Variants in TSPAN16 observed in about 807,000 individuals in gnomAD.
TSPAN16 encodes the protein tetraspanin 16.
TSPAN16 carries 23 observed loss-of-function variants against 25.2 expected under a neutral mutation model. The ratio of observed to expected loss-of-function variants is 0.91; its 90% CI spans 0.66 to 1.29. TSPAN16 has a LOEUF of 1.29. TSPAN16 is among the 50% of genes most tolerant of loss of function. TSPAN16 has a pLI of 0.00. For synonymous variants in TSPAN16, 123 were observed against 124.4 expected (o/e 0.99, Z 0.08); for missense variants, 272 against 299.9 (o/e 0.91, Z 0.69).
chr19:11,307,571 A>G (rs2080643512), intron 5 of TSPAN16, among the ~76,000 whole-genome samples: 1 of 151,844 alleles, frequency 6.6e-6, no homozygotes, highest in African/African-American at 2.4e-5. Flanking sequence ...GGCACGTGCC[A>G]CCATGCCTGG....
Position 11,298,343 on chromosome 19 carries a change from AG to A in TSPAN16, c.267+5del. ...GAGCAGAGGCACGCTCTTGTTTGTA[AG>A]TTGGATCTGCACACAGACCCCAGAA... On this transcript the variant is annotated splice_donor_5th_base_variant and intron_variant, in intron 2 of 6. Transcript: ENST00000590327. The A allele has an allele frequency of 1.2e-6, 2 of 1,613,344 alleles. No homozygotes were observed. Among genetic ancestry groups the A allele is most frequent in the Non-Finnish European group, 1.7e-6 (2 of 1,179,896 alleles).
intron 6 of TSPAN16, chr19:11,321,971 T>A: frequency 6.6e-6 from 1 of 152,278 alleles, no homozygotes. Flanking sequence ...GTTTCTGCTG[T>A]GTCTTGAAGA....
At chr19:11,318,860 T>TG (rs986700435), downstream of TSPAN16, among the ~76,000 whole-genome samples, 1 of 152,012 alleles carries the variant, frequency 6.6e-6, no homozygotes, top group African/African-American at 2.4e-5. Context: ...TTGGCCAGGC[T>TG]GGTCTGGAAC....
Position 11,310,105 on chromosome 19 carries a change from G to GA in TSPAN16, c.604-2023dup, listed in dbSNP as rs922991417. ...AGTGACAGGACGAGACCCAATCTAAGAAAAAAAAAAACTATTATGTGAAAG... is the reference window on the plus strand; with the variant it reads ...AGTGACAGGACGAGACCCAATCTAAGAAAAAAAAAAAACTATTATGTGAAAG... On this transcript the variant is annotated intron_variant, in intron 5 of 6. Transcript: ENST00000590327. Among the ~76,000 whole-genome samples the GA allele has an allele frequency of 9.3e-4, 134 of 143,670 alleles. 1 individual carries two copies. The highest frequency in any genetic ancestry group is 2.0e-3 in the Admixed American group (29 of 14,320). The allele number at this position is 143,670 out of a possible 152,430, so 94.3% of individuals were successfully genotyped here.
chr19:11,315,273 A>T (rs939387155), intron 6 of TSPAN16, among the ~76,000 whole-genome samples: 2 of 141,666 alleles, frequency 1.4e-5, no homozygotes, highest in Non-Finnish European at 1.5e-5. Context: ...AATAATAATA[A>T]TAGGCCAGGC....
intron 1 of TSPAN16, 52 bp from the exon 2 acceptor site, chr19:11,298,090 T>C: frequency 6.3e-7 from 1 of 1,587,480 alleles, no homozygotes; most frequent in Non-Finnish European, 8.6e-7. Context: ...CCAGTTCTAT[T>C]TGTATACAAC....
rs757322240 is a variant in TSPAN16 at position 11,306,762 on chromosome 19, T to G, written c.603+6T>G. 2 of 1,612,716 alleles carry G rather than the reference T, an allele frequency of 1.2e-6. No individual in the cohort carries two copies. The highest frequency in any genetic ancestry group is 2.7e-5 in the African/African-American group (2 of 74,906). Reference sequence around the variant, plus strand: ...CAAACGTCATCCACCAGAAGGTAACTGGAGATTTTGTGTGTTGCCTTGACA... The same window carrying G: ...CAAACGTCATCCACCAGAAGGTAACGGGAGATTTTGTGTGTTGCCTTGACA... On this transcript the variant is annotated splice_donor_region_variant and intron_variant, in intron 5 of 6. Transcript: ENST00000590327.
chr19:11,325,072 C>T (rs1333994185), intron 6 of TSPAN16: 2 of 246,744 alleles, frequency 8.1e-6, no homozygotes, highest in African/African-American at 2.2e-5. Context: ...CCACGGATGC[C>T]CCTCCATCAG....
chr19:11,299,387 TTGATGGTG>T (rs1305274882), intron 3 of TSPAN16, among the ~76,000 whole-genome samples: 1 of 152,102 alleles, frequency 6.6e-6, no homozygotes, highest in East Asian at 1.9e-4. Flanking sequence ...CGTGCCACCT[TTGATGGTG>T]TGAGAAGCTG....
intron 5 of TSPAN16, chr19:11,306,957 A>G: frequency 1.9e-6 from 1 of 514,618 alleles, no homozygotes; most frequent in Admixed American, 3.4e-5. Flanking sequence ...CTGGGATCAC[A>G]GGCATGCACC....
chr19:11,319,845 C>A (rs796184081), downstream of TSPAN16, among the ~76,000 whole-genome samples: 8 of 152,062 alleles, frequency 5.3e-5, no homozygotes, highest in African/African-American at 1.7e-4. Flanking sequence ...GACGGAGTCT[C>A]GCTCTGTCGC....
At chr19:11,302,841 C>T (rs978527408) in intron 4 of TSPAN16, among the ~76,000 whole-genome samples, 1 of 150,852 alleles carries the variant, frequency 6.6e-6, no homozygotes. Flanking sequence ...ACCTCAGCCT[C>T]TTGAGTAGCT....
Position 11,306,774 on chromosome 19 carries a change from G to A in TSPAN16, c.603+18G>A, listed in dbSNP as rs745724658. On this transcript the variant is annotated intron_variant, in intron 5 of 6. Coordinates refer to ENST00000590327, the MANE Select transcript of TSPAN16 (RefSeq NM_001282509.2). ...ACCAGAAGGTAACTGGAGATTTTGTGTGTTGCCTTGACAGACCCCTGAGGG... is the reference window on the plus strand; with the variant it reads ...ACCAGAAGGTAACTGGAGATTTTGTATGTTGCCTTGACAGACCCCTGAGGG... 1.1e-5 allele frequency: 18 copies of A among 1,611,520 alleles called. No homozygotes were observed. Among genetic ancestry groups the A allele is most frequent in the Non-Finnish European group, 1.4e-5 (17 of 1,178,266 alleles).
chr19:11,308,917 T>C (rs1221576861), intron 5 of TSPAN16, among the ~76,000 whole-genome samples: 1 of 152,064 alleles, frequency 6.6e-6, no homozygotes, highest in Non-Finnish European at 1.5e-5. Context: ...CTAAAAAACA[T>C]TTTTTATATT....
At chr19:11,308,322 G>A (rs1247292084) in intron 5 of TSPAN16, among the ~76,000 whole-genome samples, 2 of 151,830 alleles carry the variant, frequency 1.3e-5, no homozygotes, top group East Asian at 1.9e-4. Flanking sequence ...TTTTTGAGAC[G>A]GAGTCTTGCT....
At chr19:11,321,024 C>T (rs1425383452) in intron 6 of TSPAN16, among the ~76,000 whole-genome samples, 1 of 151,972 alleles carries the variant, frequency 6.6e-6, no homozygotes, top group African/African-American at 2.4e-5. Flanking sequence ...CAAAAATTAG[C>T]CAGGCGTAGT....
At chr19:11,321,642 G>A (rs1159467502) in intron 6 of TSPAN16, among the ~76,000 whole-genome samples, 3 of 152,170 alleles carry the variant, frequency 2.0e-5, no homozygotes, top group African/African-American at 4.8e-5. Flanking sequence ...GGCCGGAGGG[G>A]AGCAAGTGTG....
At chr19:11,303,577 T>TAAAAA (rs1322861353) in intron 4 of TSPAN16, among the ~76,000 whole-genome samples, 8 of 78,300 alleles carry the variant, frequency 1.0e-4, no homozygotes, top group Non-Finnish European at 1.6e-4. Flanking sequence ...ATAAATAAAT[T>TAAAAA]AAAAAAAAAA....
chr19:11,325,546 T>A (rs143763081), intron 6 of TSPAN16: 1 of 1,613,510 alleles, frequency 6.2e-7, no homozygotes, highest in African/African-American at 1.3e-5. Flanking sequence ...CTGCTTCACA[T>A]TGATGTTCTC....
Sources: allele counts gnomAD v4.1 joint callset (sites outside exome capture counted in the v4.1 genomes callset), GRCh38; gene constraint gnomAD v4.1.1; transcripts MANE v1.5; gene names NCBI Gene and HGNC (gene_info 2026-07-23, HGNC 2026-07-21).